The following DLG2 variants were observed in gnomAD, a reference collection of about 807,000 sequenced individuals.
DLG2 encodes discs large MAGUK scaffold protein 2, also known as disks large homolog 2.
A neutral mutation model predicts 132.5 loss-of-function variants in DLG2; 45 were observed. That is an observed-to-expected ratio of 0.34 (90% confidence interval 0.27 to 0.44). DLG2 has a LOEUF of 0.44. DLG2 is among the 20% of genes least tolerant of loss of function. The probability of loss-of-function intolerance (pLI) is 1.00; values close to 1 mark genes in which losing one functional copy is unlikely to be tolerated. For synonymous variants in DLG2, 424 were observed against 419.6 expected (o/e 1.01, Z -0.13); for missense variants, 1,045 against 1,196.9 (o/e 0.87, Z 1.87).
chr11:83,514,070 T>G (rs1228572198), intron 21 of DLG2, among the ~76,000 whole-genome samples: 1 of 151,998 alleles, frequency 6.6e-6, no homozygotes, highest in Non-Finnish European at 1.5e-5. Context: ...GTGAAGAAAG[T>G]CATTGGTAGC....
At chr11:84,380,656 C>G (rs2098746151) in intron 7 of DLG2, among the ~76,000 whole-genome samples, 1 of 151,464 alleles carries the variant, frequency 6.6e-6, no homozygotes, top group African/African-American at 2.4e-5. Context: ...AGCAAAGTCT[C>G]CAAAGTAAGA....
intron 7 of DLG2, among the ~76,000 whole-genome samples, chr11:84,480,100 G>A (rs999603626): frequency 6.6e-6 from 1 of 152,076 alleles, no homozygotes; most frequent in Non-Finnish European, 1.5e-5. Context: ...TGGTCATGCT[G>A]TGCAGAATGA....
At chr11:85,501,889 A>G in intron 3 of DLG2, among the ~76,000 whole-genome samples, 1 of 152,284 alleles carries the variant, frequency 6.6e-6, no homozygotes, top group Non-Finnish European at 1.5e-5. Flanking sequence ...AACTAGAAAT[A>G]CCATTTGACC....
chr11:85,161,413 G>A (rs1382105281), intron 4 of DLG2, among the ~76,000 whole-genome samples: 1 of 152,154 alleles, frequency 6.6e-6, no homozygotes, highest in Admixed American at 6.5e-5. Context: ...CCAACACCGA[G>A]CCCTCGATAT....
chr11:85,285,074 T>C (rs549786169), intron 4 of DLG2, 146 bp downstream of exon 4: 11 of 628,928 alleles, frequency 1.7e-5, no homozygotes, highest in Non-Finnish European at 2.8e-5. Flanking sequence ...AATTTTCATA[T>C]ATGAAAATTG....
intron 3 of DLG2, among the ~76,000 whole-genome samples, chr11:85,556,280 C>G (rs1403835567): frequency 1.3e-5 from 2 of 151,914 alleles, no homozygotes; most frequent in Non-Finnish European, 2.9e-5. Context: ...AAGCACCTCA[C>G]TGGTTTAGTA....
intron 7 of DLG2, among the ~76,000 whole-genome samples, chr11:84,495,249 G>A (rs2099178475): frequency 6.6e-6 from 1 of 152,030 alleles, no homozygotes; most frequent in African/African-American, 2.4e-5. Context: ...AAGTCCTTGT[G>A]CTTTGGGGTT....
At chr11:84,821,197 CA>C (rs1304669274) in intron 6 of DLG2, among the ~76,000 whole-genome samples, 1 of 151,804 alleles carries the variant, frequency 6.6e-6, no homozygotes, top group Non-Finnish European at 1.5e-5. Flanking sequence ...GTAAAAGAGA[CA>C]ACAGACGAAC....
chr11:84,960,627 T>TG (rs1281963751), intron 6 of DLG2, among the ~76,000 whole-genome samples: 1 of 151,966 alleles, frequency 6.6e-6, no homozygotes, highest in African/African-American at 2.4e-5. Context: ...TTAGGAGAGA[T>TG]GGGGTATCAC....
chr11:84,842,259 C>G (rs1392665234), intron 6 of DLG2, among the ~76,000 whole-genome samples: 2 of 151,960 alleles, frequency 1.3e-5, no homozygotes, highest in Non-Finnish European at 2.9e-5. Flanking sequence ...TGAATTATCT[C>G]TGCTTCTCAT....
At chr11:84,978,740 G>C (rs926616968) in intron 6 of DLG2, among the ~76,000 whole-genome samples, 1 of 152,144 alleles carries the variant, frequency 6.6e-6, no homozygotes, top group Non-Finnish European at 1.5e-5. Flanking sequence ...ATACCTTTCA[G>C]GACACAGGCA....
intron 18 of DLG2, among the ~76,000 whole-genome samples, chr11:83,751,055 G>A (rs2153735281): frequency 2.0e-5 from 3 of 152,282 alleles, no homozygotes; most frequent in Middle Eastern, 6.8e-3. Flanking sequence ...TATTGATAGT[G>A]TTCAATGTAA....
chr11:83,479,999 A>T (rs2092968633), intron 22 of DLG2, among the ~76,000 whole-genome samples: 1 of 152,082 alleles, frequency 6.6e-6, no homozygotes. Flanking sequence ...AAGAAGGAAA[A>T]CAATACCATG....
At chr11:84,726,908 G>T (rs1422097580) in intron 6 of DLG2, among the ~76,000 whole-genome samples, 3 of 152,170 alleles carry the variant, frequency 2.0e-5, no homozygotes, top group African/African-American at 7.2e-5. Context: ...CTTCTTTTGA[G>T]AAGTGTCTGC....
chr11:83,790,901 AG>A, intron 17 of DLG2: 1 of 860,620 alleles, frequency 1.2e-6, no homozygotes, highest in Non-Finnish European at 1.9e-6. Flanking sequence ...CCTCATCTAA[AG>A]GCACAGTATA....
intron 16 of DLG2, among the ~76,000 whole-genome samples, chr11:83,862,665 A>G (rs546492451): frequency 6.6e-6 from 1 of 151,496 alleles, no homozygotes; most frequent in Non-Finnish European, 1.5e-5. Context: ...CCCCACTCCA[A>G]AAAAAAAGAG....
At position 83,518,549 on chromosome 11, in the gene DLG2, C is replaced by T. The variant is rs189151850; in HGVS notation, c.2193+14159G>A. Reference sequence around the variant, plus strand: ...TGCTCGGTGCACTGCACCCGCTATCCGACAATCCCCAGTGAGATGAACCCA... The same window carrying T: ...TGCTCGGTGCACTGCACCCGCTATCTGACAATCCCCAGTGAGATGAACCCA... On this transcript the variant is annotated intron_variant, in intron 21 of 27. Coordinates refer to ENST00000376104, the MANE Select transcript of DLG2 (RefSeq NM_001142699.3). Among the ~76,000 whole-genome samples, 863 of 152,284 alleles carry T rather than the reference C, an allele frequency of 5.7e-3. 5 individuals carry two copies. Among genetic ancestry groups the T allele is most frequent in the Non-Finnish European group, 8.9e-3 (603 of 68,030 alleles).
chr11:84,418,176 T>G (rs540261917), intron 7 of DLG2, among the ~76,000 whole-genome samples: 1 of 152,298 alleles, frequency 6.6e-6, no homozygotes. Context: ...CACAATTCCT[T>G]ATTTGTATGT....
chr11:83,850,160 G>GTGTGTGTGTGTTT lies in DLG2; in HGVS notation c.1566-16391_1566-16390insAAACACACACACA, dbSNP rs1452960432. 1.9e-3 allele frequency among the ~76,000 whole-genome samples: 231 copies of GTGTGTGTGTGTTT among 124,366 alleles called. 1 individual carries two copies. The highest frequency in any genetic ancestry group is 2.3e-3 in the Admixed American group (29 of 12,620). 81.6% of individuals were successfully genotyped at this position (124,366 alleles called of 152,430 possible). A position where few individuals can be genotyped will look rare whatever the true frequency, so the allele number is the denominator to read the frequency against. The stretch of plus-strand genomic sequence containing the variant: ...TGTGTGTGTGTGTGTGTGTGTGTGT[G>GTGTGTGTGTGTTT]TTTTTTTACTTGAGACGGAGTCTCA... On this transcript the variant is annotated intron_variant, in intron 16 of 27. Transcript: ENST00000376104.
Sources: gnomAD v4.1 joint callset for allele counts (sites outside exome capture counted in the v4.1 genomes callset) on GRCh38, gnomAD v4.1.1 for gene constraint, MANE v1.5 for transcripts, NCBI Gene and HGNC (gene_info 2026-07-23, HGNC 2026-07-21) for gene names.